The following GPR89B variants were observed in gnomAD, a reference collection of about 807,000 sequenced individuals.
GPR89B encodes the protein G protein-coupled receptor 89B.
GPR89B carries 25 observed loss-of-function variants against 52.4 expected under a neutral mutation model. The ratio of observed to expected loss-of-function variants is 0.48; its 90% CI spans 0.35 to 0.67. The LOEUF is 0.67. GPR89B is among the 30% of genes least tolerant of loss of function. The probability of loss-of-function intolerance (pLI) is 0.01; values close to 1 mark genes in which losing one functional copy is unlikely to be tolerated. For missense variants in GPR89B, 146 were observed against 450.2 expected (o/e 0.32, Z 6.11); for synonymous variants, 52 against 151.2 (o/e 0.34, Z 4.81).
chr1:147,940,293 C>T (rs1296634489), intron 3 of GPR89B, among the ~76,000 whole-genome samples: 1 of 151,518 alleles, frequency 6.6e-6, no homozygotes, highest in Non-Finnish European at 1.5e-5. Context: ...GTCCCAGCTA[C>T]TTGGGGGGCT....
chr1:148,013,068 A>G, the GPR89B span, among the ~76,000 whole-genome samples: 1,619 of 152,222 alleles, frequency 0.011, 56 homozygotes, highest in African/African-American at 0.037. Flanking sequence ...ATAACAGATG[A>G]CAATTATTGA....
rs151191788 is a variant in GPR89B at position 147,940,664 on chromosome 1, C to A, written c.206+1847C>A. Among the ~76,000 whole-genome samples, 1,181 of 152,270 alleles carry A rather than the reference C, an allele frequency of 7.8e-3. 12 individuals are homozygous for A. The highest frequency in any genetic ancestry group is 0.027 in the African/African-American group (1,107 of 41,550). ...CAGCTCTGCTGTTGTAGAGCGAAAG[C>A]AGTCATAGGCAATATATAAACAAAC... On this transcript the variant is annotated intron_variant, in intron 3 of 13. Coordinates refer to ENST00000314163, the MANE Select transcript of GPR89B (RefSeq NM_016334.5).
chr1:147,989,378 A>G (rs1274296101), intron 12 of GPR89B, among the ~76,000 whole-genome samples: 8 of 152,148 alleles, frequency 5.3e-5, no homozygotes, highest in African/African-American at 1.9e-4. Context: ...TCAGTTTCCA[A>G]GATCCTATAA....
At chr1:147,950,930 AGGGAGAGGGAGACCGTG>A (rs1214717851) in intron 5 of GPR89B, among the ~76,000 whole-genome samples, 2 of 152,154 alleles carry the variant, frequency 1.3e-5, no homozygotes, top group East Asian at 1.9e-4. Flanking sequence ...GTGGAAAGAG[AGGGAGAGGGAGACCGTG>A]GGGAGAGGGA....
rs1261529051 is a variant in GPR89B at position 147,990,236 on chromosome 1, G to C, written c.1095+1715G>C. 7.2e-5 allele frequency among the ~76,000 whole-genome samples: 11 copies of C among 152,288 alleles called. No individual in the cohort carries two copies. In the South Asian group the frequency reaches 1.2e-3, roughly 17 times the overall value. ...CCAGTGATGATCAGCATTTTTCCAT[G>C]TGTCTGTTGGCTGCACATGAGAAGT... On this transcript the variant is annotated intron_variant, in intron 12 of 13. Transcript: ENST00000314163.
chr1:147,968,777 G>A (rs1200422902), intron 8 of GPR89B, 98 bp from the exon 9 acceptor site: 58 of 1,591,586 alleles, frequency 3.6e-5, no homozygotes, highest in East Asian at 1.3e-4. Context: ...AGGCAACTCC[G>A]GGAATCCACT....
At chr1:147,943,399 T>C (rs1388349163) in intron 3 of GPR89B, 39 bp from the exon 4 acceptor site, 4 of 1,599,106 alleles carry the variant, frequency 2.5e-6, no homozygotes, top group Non-Finnish European at 3.4e-6. Flanking sequence ...GTTGCTGCCC[T>C]CTCTTCCTCC....
chr1:148,011,187 C>T, the GPR89B span: 2 of 152,134 alleles, frequency 1.3e-5, no homozygotes, highest in Non-Finnish European at 2.9e-5. Context: ...CATTTCTAGC[C>T]AACAAAGTTA....
intron 12 of GPR89B, among the ~76,000 whole-genome samples, chr1:147,990,099 A>G (rs28816821): frequency 0.045 from 6,807 of 152,190 alleles, 210 homozygotes; most frequent in African/African-American, 0.073. Context: ...AAGTGTTGCT[A>G]TTTCTCCACA....
intron 10 of GPR89B, among the ~76,000 whole-genome samples, chr1:147,984,818 A>G (rs1163038353): frequency 9.2e-5 from 14 of 151,804 alleles, no homozygotes; most frequent in Non-Finnish European, 1.6e-4. Context: ...TCCAAATATT[A>G]TTCTCTAATT....
chr1:147,964,318 C>T (rs1219049657), intron 7 of GPR89B, among the ~76,000 whole-genome samples: 6 of 151,946 alleles, frequency 3.9e-5, no homozygotes, highest in Admixed American at 3.9e-4. Context: ...ACATTTAAAC[C>T]TCAGTAGACA....
chr1:147,975,672 C>T (rs1397177479), intron 10 of GPR89B, among the ~76,000 whole-genome samples: 2 of 152,036 alleles, frequency 1.3e-5, no homozygotes, highest in African/African-American at 2.4e-5. Context: ...TCTGCTGTGA[C>T]CTTGGTTATT....
chr1:147,933,431 C>T (rs1553247386), intron 1 of GPR89B, among the ~76,000 whole-genome samples: 1 of 151,638 alleles, frequency 6.6e-6, no homozygotes, highest in African/African-American at 2.4e-5. Flanking sequence ...ATCTCATGTA[C>T]TTTGGTGGTT....
At chr1:148,021,685 C>A in the GPR89B span, among the ~76,000 whole-genome samples, 19 of 151,724 alleles carry the variant, frequency 1.3e-4, no homozygotes, top group South Asian at 6.3e-4. Flanking sequence ...AATGGGCCCC[C>A]AGTGGAGAGC....
chr1:147,988,382 G>C (rs1331906163), intron 11 of GPR89B, 50 bp from the exon 12 acceptor site: 31 of 1,551,362 alleles, frequency 2.0e-5, no homozygotes, highest in Non-Finnish European at 2.8e-5. Context: ...TAGCCCTTAC[G>C]TCTCTCTGAA....
chr1:147,937,618 A>G (rs1553248188), intron 2 of GPR89B, among the ~76,000 whole-genome samples: 2 of 152,184 alleles, frequency 1.3e-5, no homozygotes, highest in South Asian at 4.1e-4. Context: ...CTTGCTGGAA[A>G]AAGAATTCAG....
intron 10 of GPR89B, among the ~76,000 whole-genome samples, chr1:147,982,055 A>G (rs1335373444): frequency 6.7e-6 from 1 of 148,964 alleles, no homozygotes; most frequent in Non-Finnish European, 1.5e-5. Flanking sequence ...TAACCTTTTT[A>G]TTTATTTATT....
At chr1:148,018,332 T>C in the GPR89B span, among the ~76,000 whole-genome samples, 1 of 142,818 alleles carries the variant, frequency 7.0e-6, no homozygotes. Context: ...GGCAGGAGAA[T>C]GGCATGAACC....
downstream of GPR89B, chr1:147,994,200 G>A (rs1659256300): frequency 6.4e-7 from 1 of 1,573,640 alleles, no homozygotes. Flanking sequence ...TTCTTCTAAA[G>A]AGACAGTAAA....
Sources: allele counts gnomAD v4.1 joint callset (sites outside exome capture counted in the v4.1 genomes callset), GRCh38; gene constraint gnomAD v4.1.1; transcripts MANE v1.5; gene names NCBI Gene and HGNC (gene_info 2026-07-23, HGNC 2026-07-21).